IL16: variants seen among roughly 807,000 people sequenced by gnomAD.
IL16 encodes the protein pro-interleukin-16.
In IL16, 67 loss-of-function variants were observed where a neutral mutation model predicts 110.1. The observed-to-expected ratio is 0.61, with a 90% CI of 0.50 to 0.75. The LOEUF (loss-of-function observed/expected upper bound fraction) is 0.75, where lower values mean the gene tolerates loss of function less well. IL16 is among the 30% of genes least tolerant of loss of function. IL16 has a pLI of 0.00. For synonymous variants in IL16, 689 were observed against 662.9 expected, an observed-to-expected ratio of 1.04 and a Z score of -0.61; for missense variants, 1,545 against 1,655.0, an observed-to-expected ratio of 0.93 and a Z score of 1.15.
intron 1 of IL16, among the ~76,000 whole-genome samples, chr15:81,213,330 T>C (rs539066979): frequency 7.9e-5 from 12 of 152,326 alleles, no homozygotes; most frequent in African/African-American, 2.9e-4. Context: ...TGTTAGAATA[T>C]GTTTCATGTG....
chr15:81,234,549 C>T (rs1330165815), intron 2 of IL16, among the ~76,000 whole-genome samples: 3 of 152,106 alleles, frequency 2.0e-5, no homozygotes, highest in African/African-American at 7.2e-5. Flanking sequence ...TATACTTGCC[C>T]ACTTTTTGGT....
At chr15:81,295,294 G>C (rs998503064) in intron 12 of IL16, 6 of 1,021,836 alleles carry the variant, frequency 5.9e-6, no homozygotes, top group African/African-American at 1.7e-5. Flanking sequence ...GGAAACACTA[G>C]TAAGAGAAAA....
chr15:81,230,467 G>T (rs1896933410), intron 2 of IL16, among the ~76,000 whole-genome samples: 1 of 152,072 alleles, frequency 6.6e-6, no homozygotes. Context: ...GACTTGTTAT[G>T]AGCTGTCCTC....
At position 81,311,952 on chromosome 15, in the gene IL16, A is replaced by T. The variant is rs17875563; in HGVS notation, c.*3154A>T. 0.23 allele frequency: 34,399 copies of T among 152,202 alleles called. 3,944 individuals are homozygous for T. The highest frequency in any genetic ancestry group is 0.28 in the East Asian group (1,450 of 5,184). The allele number at this position is 152,202 out of a possible 1,614,324, so 9.4% of individuals were successfully genotyped here. A position where few individuals can be genotyped will look rare whatever the true frequency, so the allele number is the denominator to read the frequency against. ...TCACATCTTGGCACATTTAAGAGAC[A>T]GTCACCCCAGGACTCAAAAATAGGG... On this transcript the variant is annotated 3_prime_UTR_variant, in exon 19 of 19. Coordinates refer to ENST00000683961, the MANE Select transcript of IL16 (RefSeq NM_172217.5).
intron 9 of IL16, among the ~76,000 whole-genome samples, chr15:81,283,848 T>A (rs1899309146): frequency 6.6e-6 from 1 of 151,600 alleles, no homozygotes; most frequent in South Asian, 2.1e-4. Flanking sequence ...CTACTAAACA[T>A]AAAAATTAGC....
chr15:81,241,446 T>C (rs1295358899), intron 2 of IL16, among the ~76,000 whole-genome samples: 1 of 152,102 alleles, frequency 6.6e-6, no homozygotes, highest in Non-Finnish European at 1.5e-5. Context: ...ATTCAGGCCT[T>C]ATTTAATGTA....
rs142581853 is a variant in IL16, at chr15:81,245,214, A to G, written c.313-14558A>G. ...TTTCTGGGGTTTGGTATGATTAGTA[A>G]TTTTCAATTGAATCCTGGACTTTTA... On this transcript the variant is annotated intron_variant, in intron 2 of 18. Transcript: ENST00000683961. 7.2e-3 allele frequency among the ~76,000 whole-genome samples: 1,094 copies of G among 152,156 alleles called. 19 individuals carry two copies. Among genetic ancestry groups the G allele is most frequent in the African/African-American group, 0.025 (1,020 of 41,490 alleles).
At chr15:81,305,815 T>G in intron 16 of IL16, 93 bp from the exon 17 acceptor site, 1 of 1,477,768 alleles carries the variant, frequency 6.8e-7, no homozygotes, top group East Asian at 2.3e-5. Flanking sequence ...CTAAAAATCC[T>G]CTAGCATTGA....
intron 7 of IL16, among the ~76,000 whole-genome samples, chr15:81,279,174 A>T (rs1214750277): frequency 6.6e-6 from 1 of 152,232 alleles, no homozygotes; most frequent in East Asian, 1.9e-4. Flanking sequence ...TAAGTTTTTA[A>T]GATAATTGCT....
Position 81,225,573 on chromosome 15 carries a change from C to T in IL16, c.174C>T (p.His58=). ...SLAQGKEGIF[H]SSVQLADTSE... ...CCCAGGGCAAGGAGGGAATTTTCCA[C>T]TCATCTGTGCAGCTGGCAGACACAT... The change falls in exon 2 of 19, where the codon CAC becomes CAT. Residue 58 remains histidine, a synonymous_variant. Coordinates refer to ENST00000683961, the MANE Select transcript of IL16 (RefSeq NM_172217.5). The T allele has an allele frequency of 1.2e-6, 2 of 1,614,152 alleles. No individual in the cohort carries two copies. Among genetic ancestry groups the T allele is most frequent in the African/African-American group, 1.3e-5 (1 of 75,030 alleles).
Position 81,313,149 on chromosome 15 carries a change from C to G in IL16, c.*4351C>G. On this transcript the variant is annotated 3_prime_UTR_variant, in exon 19 of 19. Transcript: ENST00000683961. ...AGATGCGCAGTCCATCAGCTTGTTC[C>G]AAAGAGTGAACACAGGCCTCTGCGT... The G allele has an allele frequency of 7.5e-7, 1 of 1,325,224 alleles. No individual in the cohort carries two copies. The highest frequency in any genetic ancestry group is 1.0e-6 in the Non-Finnish European group (1 of 999,670). The allele number at this position is 1,325,224 out of a possible 1,614,324, so 82.1% of individuals were successfully genotyped here.
intron 2 of IL16, among the ~76,000 whole-genome samples, chr15:81,248,481 AT>A (rs1279118544): frequency 1.3e-5 from 2 of 149,892 alleles, no homozygotes; most frequent in Non-Finnish European, 3.0e-5. Context: ...CTTTAAAATT[AT>A]TTTTATTATT....
chr15:81,257,753 T>C (rs1206072791), intron 2 of IL16, among the ~76,000 whole-genome samples: 1 of 152,232 alleles, frequency 6.6e-6, no homozygotes, highest in Non-Finnish European at 1.5e-5. Context: ...TTGCTAAGCC[T>C]GGCTTCTAAG....
intron 2 of IL16, among the ~76,000 whole-genome samples, chr15:81,256,217 T>G (rs1300772108): frequency 6.6e-6 from 1 of 152,210 alleles, no homozygotes; most frequent in African/African-American, 2.4e-5. Flanking sequence ...CCAGCCTTTT[T>G]GCCCTTTTTC....
At chr15:81,243,176 T>A (rs1353172584) in intron 2 of IL16, among the ~76,000 whole-genome samples, 33 of 78,102 alleles carry the variant, frequency 4.2e-4, no homozygotes, top group African/African-American at 1.4e-3. Context: ...TTTTTTTTTT[T>A]TTTTTTTTTT....
At chr15:81,234,954 G>C (rs1278672106) in intron 2 of IL16, among the ~76,000 whole-genome samples, 1 of 152,184 alleles carries the variant, frequency 6.6e-6, no homozygotes, top group African/African-American at 2.4e-5. Context: ...TGTAGGAAAA[G>C]CCATTTCATG....
intron 10 of IL16, among the ~76,000 whole-genome samples, chr15:81,286,061 A>T (rs1437724318): frequency 6.6e-6 from 1 of 152,210 alleles, no homozygotes; most frequent in Non-Finnish European, 1.5e-5. Context: ...CAGCTGAGTT[A>T]TAAGCTCTGG....
intron 2 of IL16, among the ~76,000 whole-genome samples, chr15:81,229,787 CAG>C (rs1276632788): frequency 3.3e-5 from 5 of 152,304 alleles, no homozygotes; most frequent in African/African-American, 7.2e-5. Flanking sequence ...CTCCCCTCGC[CAG>C]AGTGGCCCTG....
intron 2 of IL16, among the ~76,000 whole-genome samples, chr15:81,238,048 C>A (rs1595981177): frequency 6.6e-6 from 1 of 152,168 alleles, no homozygotes; most frequent in Admixed American, 6.5e-5. Context: ...GGATTACAGG[C>A]ACCTGCCACC....
Sources: gnomAD v4.1 joint callset for allele counts (sites outside exome capture counted in the v4.1 genomes callset) on GRCh38, gnomAD v4.1.1 for gene constraint, MANE v1.5 for transcripts, NCBI Gene and HGNC (gene_info 2026-07-23, HGNC 2026-07-21) for gene names.